Variants in WDPCP observed in about 807,000 individuals in gnomAD.
WDPCP encodes WD repeat containing planar cell polarity effector, also known as WD repeat-containing and planar cell polarity effector protein fritz homolog.
In WDPCP, 71 loss-of-function variants were observed where a neutral mutation model predicts 93.1. That is an observed-to-expected ratio of 0.76 (90% CI 0.63 to 0.93). The LOEUF (loss-of-function observed/expected upper bound fraction) is 0.93. Ranked by LOEUF, WDPCP falls within the 40% of genes least tolerant of loss-of-function variation. WDPCP has a pLI of 0.00. For missense variants in WDPCP, 844 were observed against 887.4 expected (o/e 0.95, Z 0.62); for synonymous variants, 315 against 315.0 (o/e 1.00, Z 0.00).
intron 2 of WDPCP, among the ~76,000 whole-genome samples, chr2:63,794,258 T>A (rs563083407): frequency 1.3e-5 from 2 of 152,162 alleles, no homozygotes; most frequent in Non-Finnish European, 2.9e-5. Context: ...CCTCCCACAA[T>A]GTACAGTAGC....
chr2:63,237,726 C>T (rs763887135), intron 14 of WDPCP, among the ~76,000 whole-genome samples: 6 of 152,042 alleles, frequency 3.9e-5, no homozygotes, highest in Non-Finnish European at 5.9e-5. Context: ...AATGCAGAAA[C>T]AGAAAATGAA....
chr2:63,551,419 G>A (rs112321046), intron 1 of WDPCP, among the ~76,000 whole-genome samples: 292 of 152,218 alleles, frequency 1.9e-3, no homozygotes, highest in African/African-American at 6.7e-3. Flanking sequence ...CTCACTCTGA[G>A]TTCAAGTGAG....
chr2:63,120,136 G>A lies in WDPCP; in HGVS notation c.*1870C>T, dbSNP rs76111154. Among the ~76,000 whole-genome samples the A allele has an allele frequency of 2.6e-5, 4 of 151,964 alleles. No individual in the cohort carries two copies. The highest frequency in any genetic ancestry group is 5.9e-5 in the Non-Finnish European group (4 of 67,978). The stretch of plus-strand genomic sequence containing the variant: ...ATTTTGGGTTAATGACTATTTACCC[G>A]GAAAATCTGGAGAAAATTCTGCAAT... On this transcript the variant is annotated 3_prime_UTR_variant, in exon 18 of 18. Transcript: ENST00000272321.
At chr2:63,795,289 GT>G (rs1300533076) in intron 2 of WDPCP, among the ~76,000 whole-genome samples, 1 of 152,162 alleles carries the variant, frequency 6.6e-6, no homozygotes, top group African/African-American at 2.4e-5. Context: ...CTCTTGTTCT[GT>G]GGTTAATAAC....
At chr2:63,334,086 C>G (rs1688178787) in intron 12 of WDPCP, among the ~76,000 whole-genome samples, 1 of 152,192 alleles carries the variant, frequency 6.6e-6, no homozygotes, top group African/African-American at 2.4e-5. Context: ...GGGGTACCAT[C>G]AAATTTGTAC....
At chr2:63,407,566 T>C (rs1184383077) in intron 9 of WDPCP, among the ~76,000 whole-genome samples, 1 of 152,190 alleles carries the variant, frequency 6.6e-6, no homozygotes, top group Non-Finnish European at 1.5e-5. Flanking sequence ...GTTTTTTGCC[T>C]GAAATCCACA....
chr2:63,121,822 T>C lies in WDPCP; in HGVS notation c.*184A>G. The C allele has an allele frequency of 1.0e-5, 14 of 1,379,152 alleles. No individual in the cohort carries two copies. Among genetic ancestry groups the C allele is most frequent in the Non-Finnish European group, 1.3e-5 (14 of 1,055,926 alleles). The allele number at this position is 1,379,152 out of a possible 1,614,324, so 85.4% of individuals were successfully genotyped here. A position where few individuals can be genotyped will look rare whatever the true frequency, so the allele number is the denominator to read the frequency against. ...CTTTTACTTACGATCACTTTGCTGT[T>C]ATGCTGCATGTTTTTGAAATAATAA... On this transcript the variant is annotated 3_prime_UTR_variant, in exon 18 of 18. Transcript: ENST00000272321.
chr2:63,756,924 C>G (rs183945157), intron 2 of WDPCP, among the ~76,000 whole-genome samples: 83 of 152,258 alleles, frequency 5.5e-4, no homozygotes, highest in Non-Finnish European at 7.1e-4. Context: ...CTACACTGTG[C>G]TCATATCAAA....
chr2:63,577,760 T>C (rs543278318), intron 1 of WDPCP, among the ~76,000 whole-genome samples: 24 of 152,288 alleles, frequency 1.6e-4, no homozygotes, highest in Admixed American at 3.9e-4. Flanking sequence ...TACTGAATAT[T>C]TGAACAGCAA....
At chr2:63,291,817 A>G (rs1453155551) in intron 13 of WDPCP, among the ~76,000 whole-genome samples, 12 of 151,166 alleles carry the variant, frequency 7.9e-5, no homozygotes, top group Non-Finnish European at 1.5e-5. Flanking sequence ...ACAAAAAAAA[A>G]AAAAGAAAAG....
intron 2 of WDPCP, among the ~76,000 whole-genome samples, chr2:63,671,076 T>TAA (rs1710340917): frequency 2.0e-5 from 3 of 152,196 alleles, no homozygotes; most frequent in Non-Finnish European, 4.4e-5. Context: ...TTGAGATTTT[T>TAA]AGAGAGGCTA....
At chr2:63,636,777 C>T in intron 3 of WDPCP, among the ~76,000 whole-genome samples, 1 of 152,132 alleles carries the variant, frequency 6.6e-6, no homozygotes, top group East Asian at 1.9e-4. Context: ...CACACATGTA[C>T]AGTCGACCAG....
chr2:63,364,430 T>C (rs1690735726), intron 12 of WDPCP, among the ~76,000 whole-genome samples: 1 of 152,224 alleles, frequency 6.6e-6, no homozygotes, highest in Non-Finnish European at 1.5e-5. Flanking sequence ...GTCTTCTATA[T>C]CAAATACATA....
intron 17 of WDPCP, among the ~76,000 whole-genome samples, chr2:63,149,045 G>T (rs568727457): frequency 5.3e-4 from 81 of 152,164 alleles, no homozygotes; most frequent in African/African-American, 1.7e-3. Flanking sequence ...CTTTAATATA[G>T]TCAAAAATTT....
intron 17 of WDPCP, among the ~76,000 whole-genome samples, chr2:63,127,279 A>G (rs1411772218): frequency 1.3e-5 from 2 of 151,580 alleles, no homozygotes; most frequent in Non-Finnish European, 2.9e-5. Flanking sequence ...GAGCCGCCAT[A>G]CCCAGCTAAT....
rs568345336 is a variant in WDPCP, at chr2:63,467,029, GTTTC to G, written c.384+17571_384+17574del. Among the ~76,000 whole-genome samples, 242 of 152,264 alleles carry G rather than the reference GTTTC, an allele frequency of 1.6e-3. 1 individual carries two copies. Among genetic ancestry groups the G allele is most frequent in the African/African-American group, 5.1e-3 (214 of 41,560 alleles). ...TATATTATTAAAAAGAAGACCAAGTGTTTCTTTGTGTCACAACCATGTTGCAAAA... is the reference window on the plus strand; with the variant it reads ...TATATTATTAAAAAGAAGACCAAGTGTTTGTGTCACAACCATGTTGCAAAA... On this transcript the variant is annotated intron_variant, in intron 6 of 17. Coordinates refer to ENST00000272321, the MANE Select transcript of WDPCP (RefSeq NM_015910.7).
intron 6 of WDPCP, among the ~76,000 whole-genome samples, chr2:63,448,735 T>G (rs760891291): frequency 6.6e-6 from 1 of 152,122 alleles, no homozygotes; most frequent in Non-Finnish European, 1.5e-5. Context: ...CTGTGGGACA[T>G]TATGCTAAGG....
chr2:63,828,007 G>C (rs766388231), upstream of WDPCP, among the ~76,000 whole-genome samples: 8 of 152,110 alleles, frequency 5.3e-5, no homozygotes, highest in Admixed American at 1.3e-4. Context: ...GCACTGACAG[G>C]CTTTGATCTA....
intron 2 of WDPCP, among the ~76,000 whole-genome samples, chr2:63,764,898 G>T (rs957657798): frequency 3.9e-5 from 6 of 152,180 alleles, no homozygotes; most frequent in African/African-American, 1.4e-4. Context: ...GTCATGTTTG[G>T]ATGGGGTAGA....
Sources: gnomAD v4.1 joint callset for allele counts (sites outside exome capture counted in the v4.1 genomes callset) on GRCh38, gnomAD v4.1.1 for gene constraint, MANE v1.5 for transcripts, NCBI Gene and HGNC (gene_info 2026-07-23, HGNC 2026-07-21) for gene names.